MALRD1: variants seen among roughly 807,000 people sequenced by gnomAD.
MALRD1 encodes MAM and LDL-receptor class A domain-containing protein 1.
Under a neutral mutation model 242.1 loss-of-function variants are expected in MALRD1, and 247 were observed. That is an observed-to-expected ratio of 1.02 (90% CI 0.92 to 1.13). MALRD1 has a LOEUF of 1.13. MALRD1 is among the 50% of genes most tolerant of loss of function. MALRD1 has a pLI of 0.00. For synonymous variants in MALRD1, 995 were observed against 866.6 expected, an observed-to-expected ratio of 1.15 and a Z score of -2.60; for missense variants, 2,989 against 2,533.1, an observed-to-expected ratio of 1.18 and a Z score of -3.86.
intron 34 of MALRD1, among the ~76,000 whole-genome samples, chr10:19,598,926 A>G (rs1053495504): frequency 1.3e-5 from 2 of 152,168 alleles, no homozygotes; most frequent in Non-Finnish European, 2.9e-5. Context: ...CAAAATATTC[A>G]CAGGTTGAAA....
rs376874358 is a variant in MALRD1 at position 19,175,463 on chromosome 10, A to AATATATATATAT, written c.1951+144_1951+155dup. ...TATATCACCTGTTCTTGAAACCTAA[A>AATATATATATAT]ATATATATATATATATATATTTTAA... On this transcript the variant is annotated intron_variant, in intron 14 of 39. Transcript: ENST00000454679. 582 of 202,806 alleles carry AATATATATATAT rather than the reference A, an allele frequency of 2.9e-3. 10 individuals are homozygous for AATATATATATAT. The highest frequency in any genetic ancestry group is 0.013 in the African/African-American group (536 of 39,870). The allele number at this position is 202,806 out of a possible 1,614,324, so 12.6% of individuals were successfully genotyped here. A position where few individuals can be genotyped will look rare whatever the true frequency, so the allele number is the denominator to read the frequency against.
At chr10:19,163,119 C>T (rs907101710) in intron 12 of MALRD1, among the ~76,000 whole-genome samples, 1 of 101,820 alleles carries the variant, frequency 9.8e-6, no homozygotes, top group African/African-American at 3.9e-5. Flanking sequence ...GCCTGAACAA[C>T]TGGAGTGAAA....
chr10:19,625,559 C>A (rs1408748870), intron 36 of MALRD1, among the ~76,000 whole-genome samples: 2 of 152,044 alleles, frequency 1.3e-5, no homozygotes, highest in East Asian at 3.9e-4. Flanking sequence ...CAGGCAGACC[C>A]GGGTTTGGAT....
intron 32 of MALRD1, among the ~76,000 whole-genome samples, chr10:19,534,783 T>A (rs1834579592): frequency 6.6e-6 from 1 of 152,110 alleles, no homozygotes; most frequent in African/African-American, 2.4e-5. Flanking sequence ...TTATAATTTT[T>A]ATATTACTTA....
chr10:19,102,473 T>C (rs1031882940), intron 4 of MALRD1, among the ~76,000 whole-genome samples: 1 of 152,108 alleles, frequency 6.6e-6, no homozygotes, highest in African/African-American at 2.4e-5. Context: ...TGAAAGGAAA[T>C]ATATTGGTAC....
chr10:19,727,554 A>G lies in MALRD1; in HGVS notation c.6315-3152A>G, dbSNP rs1178896217. Reference sequence around the variant, plus strand: ...GATAAACTTAATAATAATTTATATGAATGCATGATAAGGGAGAAAAACTTA... The same window carrying G: ...GATAAACTTAATAATAATTTATATGGATGCATGATAAGGGAGAAAAACTTA... On this transcript the variant is annotated intron_variant, in intron 38 of 39. Coordinates refer to ENST00000454679, the MANE Select transcript of MALRD1 (RefSeq NM_001142308.3). Among the ~76,000 whole-genome samples, 11 of 152,192 alleles carry G rather than the reference A, an allele frequency of 7.2e-5. No homozygotes were observed. The East Asian group carries it at 2.1e-3, about 29-fold the overall frequency.
intron 23 of MALRD1, among the ~76,000 whole-genome samples, chr10:19,328,687 G>C (rs151050322): frequency 6.6e-6 from 1 of 152,102 alleles, no homozygotes; most frequent in Non-Finnish European, 1.5e-5. Flanking sequence ...GGAATGATAG[G>C]TGTAGTAAAT....
intron 1 of MALRD1, among the ~76,000 whole-genome samples, chr10:19,064,822 C>T (rs1193127205): frequency 6.6e-6 from 1 of 150,732 alleles, no homozygotes; most frequent in Non-Finnish European, 1.5e-5. Context: ...GTTAAACATC[C>T]ATCTTTTATT....
chr10:19,645,168 A>G (rs551586982), intron 36 of MALRD1, among the ~76,000 whole-genome samples: 3 of 152,116 alleles, frequency 2.0e-5, no homozygotes, highest in Non-Finnish European at 2.9e-5. Flanking sequence ...GCAAATCAAA[A>G]CCGCAATGAG....
chr10:19,496,358 C>T lies in MALRD1; in HGVS notation c.5159-2127C>T, dbSNP rs78473905. ...CAAATTCCAAAAAAACAAAATTATA[C>T]CAACCATCACAGCACAATAAAAATA... On this transcript the variant is annotated intron_variant, in intron 30 of 39. Coordinates refer to ENST00000454679, the MANE Select transcript of MALRD1 (RefSeq NM_001142308.3). Among the ~76,000 whole-genome samples, 361 of 152,092 alleles carry T rather than the reference C, an allele frequency of 2.4e-3. 6 individuals carry two copies. In the East Asian group the frequency reaches 0.049, roughly 21 times the overall value.
chr10:19,456,463 T>C (rs952759193), intron 29 of MALRD1, among the ~76,000 whole-genome samples: 11 of 152,200 alleles, frequency 7.2e-5, no homozygotes, highest in Non-Finnish European at 1.3e-4. Context: ...GCAGCATCAC[T>C]CTGGATTCAA....
At chr10:19,219,977 C>G (rs1162732146) in intron 18 of MALRD1, among the ~76,000 whole-genome samples, 1 of 152,094 alleles carries the variant, frequency 6.6e-6, no homozygotes, top group Non-Finnish European at 1.5e-5. Context: ...ATAGATGGTC[C>G]TTGGATGGCA....
chr10:19,717,680 C>A (rs972483961), intron 38 of MALRD1, among the ~76,000 whole-genome samples: 7 of 152,142 alleles, frequency 4.6e-5, no homozygotes, highest in African/African-American at 9.7e-5. Flanking sequence ...ACTTTGAAAA[C>A]CACAGCCTGT....
chr10:19,352,663 T>C (rs1031465169), intron 26 of MALRD1, among the ~76,000 whole-genome samples: 1 of 152,212 alleles, frequency 6.6e-6, no homozygotes, highest in Non-Finnish European at 1.5e-5. Flanking sequence ...AGTTATTCAA[T>C]TTTAATTAGA....
chr10:19,500,372 A>T (rs1837915792), intron 31 of MALRD1, among the ~76,000 whole-genome samples: 1 of 152,228 alleles, frequency 6.6e-6, no homozygotes, highest in East Asian at 1.9e-4. Flanking sequence ...TGTATAACAA[A>T]GGTAGATATT....
At chr10:19,126,138 A>T (rs374406787) in intron 7 of MALRD1, among the ~76,000 whole-genome samples, 2 of 151,950 alleles carry the variant, frequency 1.3e-5, no homozygotes, top group East Asian at 3.8e-4. Flanking sequence ...GTCTGAGTGC[A>T]TGTAATGGTT....
chr10:19,656,369 ATAAT>A (rs1316073959), intron 36 of MALRD1, among the ~76,000 whole-genome samples: 2 of 152,186 alleles, frequency 1.3e-5, no homozygotes, highest in Non-Finnish European at 2.9e-5. Context: ...TATTCCTCTT[ATAAT>A]TAGTGTTTTG....
At chr10:19,470,025 G>A (rs903781715) in intron 29 of MALRD1, among the ~76,000 whole-genome samples, 2 of 151,832 alleles carry the variant, frequency 1.3e-5, no homozygotes, top group African/African-American at 2.4e-5. Context: ...TTATCTGGAG[G>A]CACTATACAA....
intron 7 of MALRD1, among the ~76,000 whole-genome samples, chr10:19,127,443 T>C (rs1298124739): frequency 6.6e-6 from 1 of 152,196 alleles, no homozygotes; most frequent in Non-Finnish European, 1.5e-5. Context: ...TGCTCTCATG[T>C]TCTTGTTTTT....
Sources: gnomAD v4.1 joint callset for allele counts (sites outside exome capture counted in the v4.1 genomes callset) on GRCh38, gnomAD v4.1.1 for gene constraint, MANE v1.5 for transcripts, NCBI Gene and HGNC (gene_info 2026-07-23, HGNC 2026-07-21) for gene names.